The following OSBPL10 variants were observed in gnomAD, a reference collection of about 807,000 sequenced individuals.
OSBPL10 encodes the protein oxysterol binding protein like 10.
Under a neutral mutation model 81.7 loss-of-function variants are expected in OSBPL10, and 49 were observed. The ratio of observed to expected loss-of-function variants is 0.60; its 90% CI spans 0.48 to 0.76. The LOEUF is 0.76. Among genes scored for constraint, OSBPL10 ranks in the 30% least tolerant of loss-of-function variants. OSBPL10 has a pLI of 0.00. For missense variants in OSBPL10, 923 were observed against 987.8 expected (o/e 0.93, Z 0.88); for synonymous variants, 419 against 383.6 (o/e 1.09, Z -1.08).
chr3:31,765,351 T>C (rs895745615), intron 4 of OSBPL10, among the ~76,000 whole-genome samples: 5 of 152,104 alleles, frequency 3.3e-5, no homozygotes, highest in African/African-American at 1.2e-4. Context: ...TGATGTGTTA[T>C]GTTACTAATT....
At chr3:31,956,479 G>C (rs1698010338) in intron 1 of OSBPL10, among the ~76,000 whole-genome samples, 1 of 152,224 alleles carries the variant, frequency 6.6e-6, no homozygotes, top group South Asian at 2.1e-4. Flanking sequence ...AGCATTTTGG[G>C]AGGCCGAGGC....
chr3:31,854,656 C>T (rs1700862621), intron 3 of OSBPL10, among the ~76,000 whole-genome samples: 2 of 152,166 alleles, frequency 1.3e-5, no homozygotes, highest in Admixed American at 6.5e-5. Context: ...AGAAAACCCA[C>T]CACGTATCCT....
At chr3:31,720,589 G>T (rs1249660808) in intron 6 of OSBPL10, among the ~76,000 whole-genome samples, 1 of 152,116 alleles carries the variant, frequency 6.6e-6, no homozygotes, top group Non-Finnish European at 1.5e-5. Flanking sequence ...CTCCCCTGCT[G>T]CTGTAGGTGG....
At chr3:31,929,583 T>TA (rs1697175920) in intron 1 of OSBPL10, among the ~76,000 whole-genome samples, 1 of 151,406 alleles carries the variant, frequency 6.6e-6, no homozygotes, top group Non-Finnish European at 1.5e-5. Flanking sequence ...CCATCTCTAC[T>TA]AAAAATACAA....
intron 1 of OSBPL10, among the ~76,000 whole-genome samples, chr3:32,073,097 T>C (rs563533019): frequency 6.4e-4 from 98 of 152,184 alleles, no homozygotes; most frequent in Non-Finnish European, 1.2e-3. Flanking sequence ...TACTTTGACC[T>C]TCTGCCCTTC....
At chr3:31,828,651 G>T (rs189578768) in intron 4 of OSBPL10, among the ~76,000 whole-genome samples, 1 of 152,252 alleles carries the variant, frequency 6.6e-6, no homozygotes, top group East Asian at 1.9e-4. Context: ...TCCTGCCTTA[G>T]CCTCCTAAGT....
At chr3:31,774,697 G>A (rs1316016164) in intron 4 of OSBPL10, among the ~76,000 whole-genome samples, 2 of 151,394 alleles carry the variant, frequency 1.3e-5, no homozygotes, top group Non-Finnish European at 2.9e-5. Context: ...ATTTTTAGTA[G>A]AGACAGTGTT....
chr3:31,848,344 C>G (rs1302083893), intron 3 of OSBPL10, among the ~76,000 whole-genome samples: 1 of 151,516 alleles, frequency 6.6e-6, no homozygotes, highest in Non-Finnish European at 1.5e-5. Context: ...TACAAGCCCC[C>G]CCCAGTTAGT....
chr3:31,867,988 C>A (rs1431463882), intron 3 of OSBPL10, among the ~76,000 whole-genome samples: 1 of 152,068 alleles, frequency 6.6e-6, no homozygotes, highest in Non-Finnish European at 1.5e-5. Context: ...CTTCCTAGTC[C>A]CTCCTCACAG....
chr3:31,954,621 G>A (rs933320182), intron 1 of OSBPL10, among the ~76,000 whole-genome samples: 1 of 152,120 alleles, frequency 6.6e-6, no homozygotes, highest in African/African-American at 2.4e-5. Context: ...CCTGGAGTGG[G>A]GAGGAGCAAG....
At chr3:31,694,241 A>G (rs12233385) in intron 7 of OSBPL10, among the ~76,000 whole-genome samples, 90,261 of 151,508 alleles carry the variant, frequency 0.6, 28,447 homozygotes, top group Non-Finnish European at 0.72. Flanking sequence ...CGTGATGGTG[A>G]GCACCTGTAA....
intron 3 of OSBPL10, among the ~76,000 whole-genome samples, chr3:31,866,511 T>C (rs1230495612): frequency 6.6e-6 from 1 of 152,162 alleles, no homozygotes; most frequent in East Asian, 1.9e-4. Flanking sequence ...TCAGCCAGGG[T>C]GCCAAGCCAG....
intron 1 of OSBPL10, among the ~76,000 whole-genome samples, chr3:31,926,207 A>G (rs1697067952): frequency 6.6e-6 from 1 of 151,864 alleles, no homozygotes; most frequent in Non-Finnish European, 1.5e-5. Flanking sequence ...TCATTTTCTT[A>G]TAATAACATA....
At chr3:31,846,272 C>A (rs1295963474) in intron 3 of OSBPL10, among the ~76,000 whole-genome samples, 1 of 152,164 alleles carries the variant, frequency 6.6e-6, no homozygotes, top group Admixed American at 6.5e-5. Context: ...TTGGCCTCCC[C>A]AAAGTGCTGA....
chr3:32,047,342 C>T (rs1185757297), intron 1 of OSBPL10, among the ~76,000 whole-genome samples: 1 of 151,996 alleles, frequency 6.6e-6, no homozygotes, highest in Non-Finnish European at 1.5e-5. Context: ...AGAGTAGCAC[C>T]GAGGGATGCT....
chr3:31,787,589 C>T (rs955233041), intron 4 of OSBPL10, among the ~76,000 whole-genome samples: 8 of 98,496 alleles, frequency 8.1e-5, no homozygotes, highest in African/African-American at 2.9e-4. Context: ...AGCAAGACTC[C>T]GCCTCAAAAA....
At chr3:31,673,563 T>C (rs945026851) in intron 8 of OSBPL10, among the ~76,000 whole-genome samples, 5 of 152,166 alleles carry the variant, frequency 3.3e-5, no homozygotes, top group Non-Finnish European at 7.4e-5. Flanking sequence ...TAGAGAAGGC[T>C]AGCATTTACC....
At chr3:31,982,650 T>TAAAAA (rs34935064), upstream of OSBPL10, among the ~76,000 whole-genome samples, 23 of 147,038 alleles carry the variant, frequency 1.6e-4, no homozygotes, top group East Asian at 1.8e-3. Flanking sequence ...TACATAGTGT[T>TAAAAA]AAAAAAAAAA....
At chr3:31,787,611 G>T (rs898982446) in intron 4 of OSBPL10, among the ~76,000 whole-genome samples, 6 of 138,988 alleles carry the variant, frequency 4.3e-5, no homozygotes, top group African/African-American at 1.6e-4. Flanking sequence ...AAAAAAAAAA[G>T]ACATGATAAT....
Sources: allele counts gnomAD v4.1 joint callset (sites outside exome capture counted in the v4.1 genomes callset), GRCh38; gene constraint gnomAD v4.1.1; transcripts MANE v1.5; gene names NCBI Gene and HGNC (gene_info 2026-07-23, HGNC 2026-07-21).